The following PRSS16 variants were observed in gnomAD, a reference collection of about 807,000 sequenced individuals.
PRSS16 encodes thymus-specific serine protease.
Under a neutral mutation model 61.7 loss-of-function variants are expected in PRSS16, and 43 were observed. The observed-to-expected ratio is 0.70, with a 90% CI of 0.55 to 0.90. PRSS16 has a LOEUF of 0.90. Ranked by LOEUF, PRSS16 falls within the 40% of genes least tolerant of loss-of-function variation. The pLI is 0.00. For missense variants in PRSS16, 591 were observed against 659.1 expected, an observed-to-expected ratio of 0.90 and a Z score of 1.13; for synonymous variants, 273 against 285.2, an observed-to-expected ratio of 0.96 and a Z score of 0.43.
At position 27,251,579 on chromosome 6, in the gene PRSS16, A is replaced by C; in HGVS notation, c.718-171A>C. On this transcript the variant is annotated intron_variant, in intron 7 of 11. Coordinates refer to ENST00000230582, the MANE Select transcript of PRSS16 (RefSeq NM_005865.4). This position sits in a 1 kb window ranked among gnomAD's most constrained non-coding sequence, Gnocchi z 5.6. ...GACCCGAGAAGGAGGGCTGCGAGGC[A>C]GGGGATTGGGGGCGGGGGCCTGGGG... 2 of 290,770 alleles carry C rather than the reference A, an allele frequency of 6.9e-6. No homozygotes were observed. The highest frequency in any genetic ancestry group is 9.3e-6 in the Non-Finnish European group (2 of 215,278). The allele number at this position is 290,770 out of a possible 1,614,324, so 18.0% of individuals were successfully genotyped here. A position where few individuals can be genotyped will look rare whatever the true frequency, so the allele number is the denominator to read the frequency against.
At position 27,256,546 on chromosome 6, in the gene PRSS16, A is replaced by T. The variant is rs1170441498; in HGVS notation, c.*1231A>T. Reference sequence around the variant, plus strand: ...TAAGAGGCAACCTCCTCATGCTGTCATACCAAAGTCAATCTCCACTACACT... The same window carrying T: ...TAAGAGGCAACCTCCTCATGCTGTCTTACCAAAGTCAATCTCCACTACACT... On this transcript the variant is annotated 3_prime_UTR_variant, in exon 12 of 12. Coordinates refer to ENST00000230582, the MANE Select transcript of PRSS16 (RefSeq NM_005865.4). 6.6e-6 allele frequency: 1 copy of T among 152,410 alleles called. No individual in the cohort carries two copies. Among genetic ancestry groups the T allele is most frequent in the Admixed American group, 6.5e-5 (1 of 15,288 alleles). The allele number at this position is 152,410 out of a possible 1,614,324, so 9.4% of individuals were successfully genotyped here.
At chr6:27,250,936 G>C in intron 5 of PRSS16, 106 bp from the exon 6 acceptor site, 4 of 1,571,448 alleles carry the variant, frequency 2.5e-6, no homozygotes, top group South Asian at 1.1e-5. Flanking sequence ...TGCACAAGCT[G>C]TCCTCACAAG....
In PRSS16 at chr6:27,248,962, G is replaced by C. The variant is rs769982807; in HGVS notation, c.337+16G>C. 6.3e-7 allele frequency: 1 copy of C among 1,591,842 alleles called. No individual in the cohort carries two copies. The highest frequency in any genetic ancestry group is 1.3e-5 in the African/African-American group (1 of 74,372). On this transcript the variant is annotated intron_variant, in intron 3 of 11. Coordinates refer to ENST00000230582, the MANE Select transcript of PRSS16 (RefSeq NM_005865.4). ...GTGATGAGAGGTAAGAGGCAATGTT[G>C]GGGGAAAGGAGTTGGGATGCTGGTG...
In PRSS16 at chr6:27,255,201, G is replaced by T. The variant is rs760270399; in HGVS notation, c.1477-46G>T. On this transcript the variant is annotated intron_variant, in intron 11 of 11. Coordinates refer to ENST00000230582, the MANE Select transcript of PRSS16 (RefSeq NM_005865.4). This position sits in a 1 kb window ranked among gnomAD's most constrained non-coding sequence, Gnocchi z 4.4. ...AATCACTTGCATGTTCCCTCCTTCT[G>T]CTGGTGCTGAAATCTGACTTTCAAA... 12 of 1,613,558 alleles carry T rather than the reference G, an allele frequency of 7.4e-6. No individual in the cohort carries two copies. The highest frequency in any genetic ancestry group is 3.3e-4 in the Middle Eastern group (2 of 6,084).
Position 27,252,003 on chromosome 6 carries a change from A to C in PRSS16, c.971A>C (p.His324Pro). 1.3e-6 allele frequency: 2 copies of C among 1,574,422 alleles called. No homozygotes were observed. The highest frequency in any genetic ancestry group is 1.7e-6 in the Non-Finnish European group (2 of 1,162,436). Residue 324 changes from histidine to proline, a missense_variant, in exon 8 of 12, where the codon CAC becomes CCC. His to Pro is a moderately conservative substitution (Grantham distance 77). Transcript: ENST00000230582. The surrounding 1 kb of genome is among the most constrained non-coding windows in gnomAD (Gnocchi z 4.2). ...LLLGGGGNRS[H>P]STPYCGLRRA... ...CTCGGGGGCGGGGGCAACCGCAGCCACTCCACGCCCTACTGCGGGCTTCGT... is the reference window on the plus strand; with the variant it reads ...CTCGGGGGCGGGGGCAACCGCAGCCCCTCCACGCCCTACTGCGGGCTTCGT...
chr6:27,251,024 C>G lies in PRSS16; in HGVS notation c.592-18C>G. 2.5e-6 allele frequency: 4 copies of G among 1,612,814 alleles called. No individual in the cohort carries two copies. The highest frequency in any genetic ancestry group is 3.4e-6 in the Non-Finnish European group (4 of 1,179,532). On this transcript the variant is annotated intron_variant, in intron 5 of 11. Transcript: ENST00000230582. The surrounding 1 kb of genome is among the most constrained non-coding windows in gnomAD (Gnocchi z 5.6). Reference sequence around the variant, plus strand: ...TCCAACCCCTCAGCCCGCAGGCTGACGGCGTCTCCTCCCTTAGTTCCCCCA... The same window carrying G: ...TCCAACCCCTCAGCCCGCAGGCTGAGGGCGTCTCCTCCCTTAGTTCCCCCA...
intron 4 of PRSS16, among the ~76,000 whole-genome samples, chr6:27,249,822 C>T (rs1244884163): frequency 6.6e-6 from 1 of 152,178 alleles, no homozygotes; most frequent in East Asian, 1.9e-4. Flanking sequence ...CAGACTTACA[C>T]GCACATTCCT....
chr6:27,255,688 T>A lies in PRSS16; in HGVS notation c.*373T>A, dbSNP rs3734576. ...TAAGTTTCTTTTTCTGGACTTTAGA[T>A]CCTGAACCTGTCCTTGCTTCTCAGT... is the stretch of plus-strand genomic sequence containing the variant. On this transcript the variant is annotated 3_prime_UTR_variant, in exon 12 of 12. Transcript: ENST00000230582. The surrounding 1 kb of genome is among the most constrained non-coding windows in gnomAD (Gnocchi z 4.4). The A allele has an allele frequency of 0.016, 3,587 of 217,432 alleles. 116 individuals are homozygous for A. Among genetic ancestry groups the A allele is most frequent in the African/African-American group, 0.071 (3,050 of 42,764 alleles). 13.5% of individuals were successfully genotyped at this position (217,432 alleles called of 1,614,324 possible).
Position 27,250,137 on chromosome 6 carries a change from C to G in PRSS16, c.468-546C>G, listed in dbSNP as rs148452257. Among the ~76,000 whole-genome samples the G allele has an allele frequency of 1.5e-3, 228 of 152,282 alleles. 1 individual carries two copies. The highest frequency in any genetic ancestry group is 3.5e-4 in the Non-Finnish European group (24 of 68,036). On this transcript the variant is annotated intron_variant, in intron 4 of 11. Coordinates refer to ENST00000230582, the MANE Select transcript of PRSS16 (RefSeq NM_005865.4). ...CATCTCTGTCTCTCTGCATCTTAAT[C>G]TTTTCTACAAGCGAAACGGTTTTCT...
At chr6:27,253,815 G>C (rs1229462388) in intron 9 of PRSS16, 1 of 172,710 alleles carries the variant, frequency 5.8e-6, no homozygotes, top group African/African-American at 2.4e-5. Flanking sequence ...AATATTTGTA[G>C]CATTCTAAGA....
rs1362351258 is a variant in PRSS16 at position 27,254,742 on chromosome 6, G to T, written c.1200G>T (p.Leu400=). The change falls in exon 10 of 12, where the codon CTG becomes CTT. Residue 400 remains leucine, a synonymous_variant. Coordinates refer to ENST00000230582, the MANE Select transcript of PRSS16 (RefSeq NM_005865.4). ...GTCCTTTCTCCCAGCTCCCAGCACT[G>T]CCCTCCCAGCTAGACCTATGTGAGC... ...PRCPFSQLPA[L]PSQLDLCEQV... is the part of the protein sequence containing the mutation. 1 of 1,614,002 alleles carries T rather than the reference G, an allele frequency of 6.2e-7. No homozygotes were observed. The highest frequency in any genetic ancestry group is 1.1e-5 in the South Asian group (1 of 91,082).
In PRSS16 at chr6:27,254,715, A is replaced by G. The variant is rs1172748866; in HGVS notation, c.1173A>G (p.Arg391=). 9 of 1,613,560 alleles carry G rather than the reference A, an allele frequency of 5.6e-6. No individual in the cohort carries two copies. Among genetic ancestry groups the G allele is most frequent in the Non-Finnish European group, 7.6e-6 (9 of 1,179,572 alleles). ...CAGATGTCACCTGTGAGAATCCCAGATGTCCTTTCTCCCAGCTCCCAGCAC... is the reference window on the plus strand; with the variant it reads ...CAGATGTCACCTGTGAGAATCCCAGGTGTCCTTTCTCCCAGCTCCCAGCAC... ...FGFYVTCENP[R]CPFSQLPALP... Residue 391 remains arginine (R), a synonymous_variant, in exon 10 of 12, where the codon AGA becomes AGG. Transcript: ENST00000230582.
chr6:27,251,044 C>T lies in PRSS16; in HGVS notation c.594C>T (p.Phe198=). 2 of 1,613,806 alleles carry T rather than the reference C, an allele frequency of 1.2e-6. No homozygotes were observed. The highest frequency in any genetic ancestry group is 1.7e-6 in the Non-Finnish European group (2 of 1,180,034). ...GCTGACGGCGTCTCCTCCCTTAGTT[C>T]CCCCATCTCATTTTCGCGTCGGTCG... ...GSLAAWARLK[F]PHLIFASVAS... is the part of the protein sequence containing the mutation. The change falls in exon 6 of 12, where the codon TTC becomes TTT. Residue 198 remains phenylalanine, a splice_region_variant and synonymous_variant. Coordinates refer to ENST00000230582, the MANE Select transcript of PRSS16 (RefSeq NM_005865.4). The surrounding 1 kb of genome is among the most constrained non-coding windows in gnomAD (Gnocchi z 5.6).
intron 9 of PRSS16, chr6:27,253,577 C>T: frequency 5.5e-6 from 2 of 362,826 alleles, no homozygotes; most frequent in Non-Finnish European, 1.1e-5. Flanking sequence ...TACAGGATGC[C>T]CAGTTAAATT....
At chr6:27,254,243 G>GA (rs1469604675) in intron 9 of PRSS16, 1 of 156,298 alleles carries the variant, frequency 6.4e-6, no homozygotes, top group African/African-American at 2.4e-5. Context: ...GGGAAGGGAT[G>GA]AATTAATCTG....
intron 4 of PRSS16, 33 bp from the exon 5 acceptor site, chr6:27,250,650 T>A: frequency 6.4e-7 from 1 of 1,560,444 alleles, no homozygotes; most frequent in Non-Finnish European, 8.7e-7. Context: ...TTCCCAGCGA[T>A]GAGGACCGAC....
chr6:27,255,476 T>C lies in PRSS16; in HGVS notation c.*161T>C. The C allele has an allele frequency of 1.5e-6, 1 of 681,442 alleles. No individual in the cohort carries two copies. The highest frequency in any genetic ancestry group is 2.9e-5 in the Admixed American group (1 of 34,348). The allele number at this position is 681,442 out of a possible 1,614,324, so 42.2% of individuals were successfully genotyped here. A position where few individuals can be genotyped will look rare whatever the true frequency, so the allele number is the denominator to read the frequency against. On this transcript the variant is annotated 3_prime_UTR_variant, in exon 12 of 12. Transcript: ENST00000230582. This position sits in a 1 kb window ranked among gnomAD's most constrained non-coding sequence, Gnocchi z 4.4. Reference sequence around the variant, plus strand: ...GGCATGTGTCTGCAAACATCCTTATTCCCAACTTAAAGTGCTTTATTGCAG... The same window carrying C: ...GGCATGTGTCTGCAAACATCCTTATCCCCAACTTAAAGTGCTTTATTGCAG...
intron 9 of PRSS16, chr6:27,253,619 A>G: frequency 3.5e-6 from 1 of 283,938 alleles, no homozygotes; most frequent in South Asian, 3.3e-5. Context: ...ATTTTTTTTT[A>G]GTATAAGCAT....
In PRSS16 at chr6:27,248,891, C is replaced by T. The variant is rs1581473062; in HGVS notation, c.282C>T (p.Pro94=). 1.2e-6 allele frequency: 2 copies of T among 1,613,084 alleles called. No homozygotes were observed. The highest frequency in any genetic ancestry group is 8.5e-7 in the Non-Finnish European group (1 of 1,179,526). The change falls in exon 3 of 12, where the codon CCC becomes CCT. Residue 94 remains proline, a synonymous_variant. Coordinates refer to ENST00000230582, the MANE Select transcript of PRSS16 (RefSeq NM_005865.4). ...AACATTGGGTTGGCCAGGATGGACCCATATTCCTGCATCTAGGGGGTGAGG... is the reference window on the plus strand; with the variant it reads ...AACATTGGGTTGGCCAGGATGGACCTATATTCCTGCATCTAGGGGGTGAGG... ...NDQHWVGQDG[P]IFLHLGGEGS...
Sources: gnomAD v4.1 joint callset for allele counts (sites outside exome capture counted in the v4.1 genomes callset) on GRCh38, gnomAD v4.1.1 for gene constraint, Gnocchi (gnomAD v3.1) non-coding constraint, MANE v1.5 for transcripts, NCBI Gene and HGNC (gene_info 2026-07-23, HGNC 2026-07-21) for gene names.